CCSER1: variants seen among roughly 807,000 people sequenced by gnomAD.
CCSER1 encodes serine-rich coiled-coil domain-containing protein 1.
In CCSER1, 41 loss-of-function variants were observed where a neutral mutation model predicts 82.0. That is an observed-to-expected ratio of 0.50 (90% CI 0.39 to 0.65). The LOEUF (loss-of-function observed/expected upper bound fraction) is 0.65. Ranked by LOEUF, CCSER1 falls within the 30% of genes least tolerant of loss-of-function variation. The pLI, the probability that CCSER1 is intolerant of heterozygous loss-of-function variation, is 0.00. For missense variants in CCSER1, 1,119 were observed against 1,064.2 expected, an observed-to-expected ratio of 1.05 and a Z score of -0.72; for synonymous variants, 414 against 383.9, an observed-to-expected ratio of 1.08 and a Z score of -0.92.
chr4:91,390,508 A>G (rs914586645), intron 10 of CCSER1, among the ~76,000 whole-genome samples: 13 of 151,898 alleles, frequency 8.6e-5, no homozygotes, highest in Admixed American at 2.6e-4. Flanking sequence ...AGTTTTTTCA[A>G]TGCATTTGTC....
chr4:91,404,060 G>A (rs1028467996), intron 10 of CCSER1, among the ~76,000 whole-genome samples: 6 of 152,044 alleles, frequency 3.9e-5, no homozygotes, highest in Non-Finnish European at 8.8e-5. Context: ...ATTAATTATT[G>A]CCTCAATTTC....
intron 9 of CCSER1, among the ~76,000 whole-genome samples, chr4:90,929,161 GTATCCGATT>G (rs1395138626): frequency 1.3e-5 from 2 of 151,776 alleles, no homozygotes; most frequent in Admixed American, 6.6e-5. Context: ...GTATATCAGC[GTATCCGATT>G]TATCAGAGGT....
At chr4:90,920,830 A>C (rs910114901) in intron 8 of CCSER1, among the ~76,000 whole-genome samples, 1 of 151,906 alleles carries the variant, frequency 6.6e-6, no homozygotes, top group Non-Finnish European at 1.5e-5. Context: ...TATGCATTTA[A>C]TAAAAAGTTA....
intron 10 of CCSER1, among the ~76,000 whole-genome samples, chr4:91,238,182 G>T (rs1407494031): frequency 6.6e-6 from 1 of 151,928 alleles, no homozygotes; most frequent in East Asian, 1.9e-4. Context: ...CATAATTCTG[G>T]GTGGATCTTA....
chr4:90,332,243 T>C (rs1428704208), intron 3 of CCSER1, among the ~76,000 whole-genome samples: 1 of 151,942 alleles, frequency 6.6e-6, no homozygotes, highest in Admixed American at 6.6e-5. Context: ...ATTTTATTTT[T>C]TTGAGATGGA....
At chr4:90,752,337 C>A (rs937615294) in intron 7 of CCSER1, among the ~76,000 whole-genome samples, 4 of 151,966 alleles carry the variant, frequency 2.6e-5, no homozygotes, top group East Asian at 1.9e-4. Context: ...TTGCAGGGAA[C>A]CTTTCTGTTT....
At chr4:90,325,594 A>G (rs1241454341) in intron 3 of CCSER1, 2 of 434,782 alleles carry the variant, frequency 4.6e-6, no homozygotes, top group East Asian at 7.0e-5. Flanking sequence ...TTATTGATTC[A>G]GGGTCTGCGA....
chr4:90,455,508 TTACCCATCAGG>T (rs1292715740), intron 4 of CCSER1, among the ~76,000 whole-genome samples: 2 of 152,202 alleles, frequency 1.3e-5, no homozygotes, highest in Admixed American at 1.3e-4. Context: ...AGATGGTTGG[TTACCCATCAGG>T]AAAGAGGGGT....
At chr4:91,063,363 C>G (rs1744114042) in intron 9 of CCSER1, among the ~76,000 whole-genome samples, 1 of 152,234 alleles carries the variant, frequency 6.6e-6, no homozygotes, top group South Asian at 2.1e-4. Context: ...AGCTTAGTGC[C>G]TGGCTCACGA....
chr4:90,827,777 G>A (rs567708242), intron 8 of CCSER1, among the ~76,000 whole-genome samples: 1 of 152,214 alleles, frequency 6.6e-6, no homozygotes, highest in South Asian at 2.1e-4. Context: ...AATTGAATCT[G>A]TTAAATAATC....
intron 10 of CCSER1, among the ~76,000 whole-genome samples, chr4:91,376,902 C>CCCCCCCTT (rs141460197): frequency 0.69 from 98,433 of 142,632 alleles, 34,096 homozygotes; most frequent in East Asian, 0.87. Flanking sequence ...TACTATCCCT[C>CCCCCCCTT]CCCCCACCCA....
chr4:91,370,248 A>C lies in CCSER1; in HGVS notation c.2218-228324A>C, dbSNP rs72880840. Among the ~76,000 whole-genome samples the C allele has an allele frequency of 9.3e-3, 1,412 of 152,308 alleles. 22 individuals are homozygous for C. Among genetic ancestry groups the C allele is most frequent in the African/African-American group, 0.033 (1,377 of 41,556 alleles). ...TGTTTTATTAAATAACATTTGATAGACACATAATACACAAATTGACAATAT... is the reference window on the plus strand; with the variant it reads ...TGTTTTATTAAATAACATTTGATAGCCACATAATACACAAATTGACAATAT... On this transcript the variant is annotated intron_variant, in intron 10 of 10. Transcript: ENST00000509176.
chr4:91,162,456 G>C (rs1731520153), intron 10 of CCSER1, among the ~76,000 whole-genome samples: 1 of 152,166 alleles, frequency 6.6e-6, no homozygotes, highest in African/African-American at 2.4e-5. Flanking sequence ...AAATGAGTTA[G>C]AGAGGAATTC....
At chr4:90,978,046 C>T (rs1735770745) in intron 9 of CCSER1, among the ~76,000 whole-genome samples, 1 of 151,470 alleles carries the variant, frequency 6.6e-6, no homozygotes, top group Non-Finnish European at 1.5e-5. Flanking sequence ...ATACAGGAAA[C>T]ATTTGGCTGG....
At chr4:91,312,640 T>C (rs946634959) in intron 10 of CCSER1, among the ~76,000 whole-genome samples, 1 of 151,914 alleles carries the variant, frequency 6.6e-6, no homozygotes, top group Non-Finnish European at 1.5e-5. Context: ...TTGGATTCCA[T>C]ACTCACTAAA....
rs565187263 is a variant in CCSER1, at chr4:91,512,071, C to T, written c.2218-86501C>T. ...TGAGTTAACTATCTGCGATGGTTCA[C>T]ACTTTTGGTGATGTTTTGTAGTTCT... On this transcript the variant is annotated intron_variant, in intron 10 of 10. Coordinates refer to ENST00000509176, the MANE Select transcript of CCSER1 (RefSeq NM_001145065.2). Among the ~76,000 whole-genome samples, 31 of 152,186 alleles carry T rather than the reference C, an allele frequency of 2.0e-4. No homozygotes were observed. The South Asian group carries it at 6.0e-3, about 30-fold the overall frequency.
At chr4:91,464,462 C>T (rs1345919462) in intron 10 of CCSER1, among the ~76,000 whole-genome samples, 2 of 152,142 alleles carry the variant, frequency 1.3e-5, no homozygotes, top group African/African-American at 4.8e-5. Context: ...GCAAAATAAC[C>T]AGCTAACATC....
intron 1 of CCSER1, among the ~76,000 whole-genome samples, chr4:90,136,323 G>C (rs1357363490): frequency 1.3e-5 from 2 of 152,040 alleles, no homozygotes; most frequent in Non-Finnish European, 2.9e-5. Flanking sequence ...ATGCATTCCA[G>C]CTTGGGCAAC....
At chr4:90,613,786 A>G (rs552378587) in intron 5 of CCSER1, among the ~76,000 whole-genome samples, 1 of 151,946 alleles carries the variant, frequency 6.6e-6, no homozygotes, top group South Asian at 2.1e-4. Context: ...GCAGGAAAAA[A>G]CAAACAGACA....
Sources: gnomAD v4.1 joint callset for allele counts (sites outside exome capture counted in the v4.1 genomes callset) on GRCh38, gnomAD v4.1.1 for gene constraint, MANE v1.5 for transcripts, NCBI Gene and HGNC (gene_info 2026-07-23, HGNC 2026-07-21) for gene names.